The following THSD7B variants were observed in gnomAD, a reference collection of about 807,000 sequenced individuals.
The protein encoded by THSD7B is thrombospondin type 1 domain containing 7B.
THSD7B carries 138 observed loss-of-function variants against 213.6 expected under a neutral mutation model. That is an observed-to-expected ratio of 0.65 (90% CI 0.56 to 0.74). THSD7B has a LOEUF of 0.74. Among genes scored for constraint, THSD7B ranks in the 30% least tolerant of loss-of-function variants. THSD7B has a pLI of 0.00. For synonymous variants in THSD7B, 742 were observed against 687.0 expected (o/e 1.08, Z -1.25); for missense variants, 1,931 against 1,991.5 (o/e 0.97, Z 0.58).
intron 5 of THSD7B, among the ~76,000 whole-genome samples, chr2:137,140,985 G>C (rs1402069869): frequency 1.3e-5 from 2 of 152,168 alleles, no homozygotes; most frequent in Non-Finnish European, 1.5e-5. Flanking sequence ...GTAAGGAAGT[G>C]AGACTGTATC....
chr2:137,506,651 A>G (rs1439481805), intron 15 of THSD7B, among the ~76,000 whole-genome samples: 1 of 152,212 alleles, frequency 6.6e-6, no homozygotes, highest in Non-Finnish European at 1.5e-5. Context: ...TTTACCACAC[A>G]AAATGCTTCA....
chr2:137,429,339 A>T (rs1268955083), intron 14 of THSD7B, among the ~76,000 whole-genome samples: 1 of 152,238 alleles, frequency 6.6e-6, no homozygotes, highest in Non-Finnish European at 1.5e-5. Flanking sequence ...GTGAAAAATT[A>T]AGTCAATTTA....
At chr2:137,187,634 C>T (rs1680575993) in intron 7 of THSD7B, among the ~76,000 whole-genome samples, 1 of 152,050 alleles carries the variant, frequency 6.6e-6, no homozygotes, top group African/African-American at 2.4e-5. Flanking sequence ...AAATGAATGC[C>T]AGAGTAACTA....
chr2:137,505,122 T>A (rs748678307), intron 15 of THSD7B, among the ~76,000 whole-genome samples: 4 of 152,192 alleles, frequency 2.6e-5, no homozygotes, highest in Admixed American at 6.5e-5. Context: ...TCGTTGAGCC[T>A]GTCCCAATTT....
chr2:137,251,357 G>T (rs1018663999), intron 10 of THSD7B, among the ~76,000 whole-genome samples: 17 of 152,190 alleles, frequency 1.1e-4, no homozygotes, highest in Non-Finnish European at 1.9e-4. Context: ...TATTTTTTGT[G>T]TACTTGTTTG....
At chr2:137,461,768 A>G (rs927138567) in intron 15 of THSD7B, among the ~76,000 whole-genome samples, 16 of 152,104 alleles carry the variant, frequency 1.1e-4, no homozygotes, top group African/African-American at 3.6e-4. Context: ...TGAGCCAGAG[A>G]CATGCTCAAA....
chr2:137,511,113 CCTCT>C (rs1275130843), intron 15 of THSD7B, among the ~76,000 whole-genome samples: 1 of 151,956 alleles, frequency 6.6e-6, no homozygotes, highest in Non-Finnish European at 1.5e-5. Flanking sequence ...AACATTTTTT[CCTCT>C]CTCTTCTTTG....
chr2:137,213,030 T>TAA (rs59100734), intron 7 of THSD7B, among the ~76,000 whole-genome samples: 29,046 of 126,508 alleles, frequency 0.23, 3,574 homozygotes, highest in South Asian at 0.41. Context: ...ATCTGTATGC[T>TAA]AAAAAAAAAA....
intron 2 of THSD7B, among the ~76,000 whole-genome samples, chr2:136,924,980 G>T (rs1684498828): frequency 6.6e-6 from 1 of 152,090 alleles, no homozygotes; most frequent in African/African-American, 2.4e-5. Context: ...ACCATTGTTA[G>T]TAAATAGAAA....
chr2:136,849,886 A>G (rs1683070467), intron 1 of THSD7B, among the ~76,000 whole-genome samples: 1 of 152,062 alleles, frequency 6.6e-6, no homozygotes. Flanking sequence ...GTTTTTTTAT[A>G]TTTGCTTCAA....
At chr2:137,014,423 G>C (rs1373619188) in intron 2 of THSD7B, among the ~76,000 whole-genome samples, 1 of 152,208 alleles carries the variant, frequency 6.6e-6, no homozygotes, top group Admixed American at 6.5e-5. Flanking sequence ...AGAGTGGTCA[G>C]AGCGAGGCTC....
At position 137,180,891 on chromosome 2, in the gene THSD7B, A is replaced by G. The variant is rs59429865; in HGVS notation, c.1723+9953A>G. ...GCCTGAGATTTATTCTCAATGCAGC[A>G]TTAGAGGCAATTGTGCCAACTCAGT... is the stretch of plus-strand genomic sequence containing the variant. On this transcript the variant is annotated intron_variant, in intron 7 of 27. Coordinates refer to ENST00000409968, the MANE Select transcript of THSD7B (RefSeq NM_001316349.2). Among the ~76,000 whole-genome samples, 394 of 152,312 alleles carry G rather than the reference A, an allele frequency of 2.6e-3. 4 individuals carry two copies. Among genetic ancestry groups the G allele is most frequent in the African/African-American group, 9.2e-3 (382 of 41,566 alleles).
chr2:137,642,341 T>C, intron 20 of THSD7B, 147 bp from the exon 21 acceptor site: 1 of 976,548 alleles, frequency 1.0e-6, no homozygotes, highest in Non-Finnish European at 1.5e-6. Context: ...GAACTCTAAA[T>C]GAAAATGACA....
At chr2:137,555,203 C>T (rs1357350228) in intron 15 of THSD7B, among the ~76,000 whole-genome samples, 1 of 152,158 alleles carries the variant, frequency 6.6e-6, no homozygotes, top group Non-Finnish European at 1.5e-5. Context: ...TAGTGGTTCT[C>T]CTAGCATGGA....
At position 137,587,376 on chromosome 2, in the gene THSD7B, C is replaced by T. The variant is rs187731784; in HGVS notation, c.3423+14820C>T. Among the ~76,000 whole-genome samples, 292 of 152,230 alleles carry T rather than the reference C, an allele frequency of 1.9e-3. 2 individuals are homozygous for T. Among genetic ancestry groups the T allele is most frequent in the South Asian group, 0.01 (50 of 4,796 alleles). The stretch of plus-strand genomic sequence containing the variant: ...CCATCTAGCTTTGTTCCGTTGCTGG[C>T]GAGGGCCTGTGTTCCTTTGGAGGGG... On this transcript the variant is annotated intron_variant, in intron 17 of 27. Transcript: ENST00000409968.
At chr2:137,639,899 TTTTGATTTTACAGGCTC>T (rs1682906330) in intron 20 of THSD7B, among the ~76,000 whole-genome samples, 1 of 152,232 alleles carries the variant, frequency 6.6e-6, no homozygotes, top group Admixed American at 6.5e-5. Context: ...ACTAGCTTGC[TTTTGATTTTACAGGCTC>T]ATAAGTAGAA....
At chr2:136,890,707 G>A (rs915504967) in intron 2 of THSD7B, among the ~76,000 whole-genome samples, 25 of 149,908 alleles carry the variant, frequency 1.7e-4, no homozygotes, top group African/African-American at 5.4e-4. Flanking sequence ...GCCAGGCTAA[G>A]TTTTTGTATT....
intron 27 of THSD7B, 40 bp from the exon 28 acceptor site, chr2:137,676,484 A>G: frequency 6.5e-7 from 1 of 1,529,668 alleles, no homozygotes; most frequent in Middle Eastern, 1.7e-4. Context: ...ACAGAGCTCT[A>G]TGAACTTACT....
chr2:136,956,058 A>T (rs549469166), intron 2 of THSD7B, among the ~76,000 whole-genome samples: 30 of 151,338 alleles, frequency 2.0e-4, no homozygotes, highest in African/African-American at 7.0e-4. Flanking sequence ...AAAAGAAACT[A>T]TATGTTTTCT....
Sources: gnomAD v4.1 joint callset for allele counts (sites outside exome capture counted in the v4.1 genomes callset) on GRCh38, gnomAD v4.1.1 for gene constraint, MANE v1.5 for transcripts, NCBI Gene and HGNC (gene_info 2026-07-23, HGNC 2026-07-21) for gene names.